SURF4: variants seen among roughly 807,000 people sequenced by gnomAD.
SURF4 encodes surfeit locus protein 4.
A neutral mutation model predicts 30.0 loss-of-function variants in SURF4; 3 were observed. The ratio of observed to expected loss-of-function variants is 0.10; its 90% CI spans 0.05 to 0.26. The LOEUF is 0.26. Ranked by LOEUF, SURF4 falls within the 10% of genes least tolerant of loss-of-function variation. The pLI, the probability that SURF4 is intolerant of heterozygous loss-of-function variation, is 1.00. For synonymous variants in SURF4, 143 were observed against 139.9 expected (o/e 1.02, Z -0.16); for missense variants, 217 against 350.8 (o/e 0.62, Z 3.05).
chr9:133,373,535 G>A (rs2130208436), intron 1 of SURF4, among the ~76,000 whole-genome samples: 2 of 152,058 alleles, frequency 1.3e-5, no homozygotes, highest in East Asian at 1.9e-4. Context: ...CCCGGGAGGC[G>A]GAGGTTGCAG....
chr9:133,366,192 T>C (rs1837160845), intron 3 of SURF4, 164 bp from the exon 4 acceptor site: 3 of 661,838 alleles, frequency 4.5e-6, no homozygotes, highest in Admixed American at 2.9e-5. Flanking sequence ...AATGTGGTTC[T>C]GTATTTCTCA....
At chr9:133,366,696 T>C in intron 2 of SURF4, 21 bp from the exon 3 acceptor site, 5 of 1,611,920 alleles carry the variant, frequency 3.1e-6, no homozygotes, top group Non-Finnish European at 4.2e-6. Flanking sequence ...GGACAAGGGT[T>C]AGGGGGCCTG....
intron 1 of SURF4, 104 bp downstream of exon 1, chr9:133,375,816 CAG>C: frequency 8.9e-7 from 1 of 1,127,792 alleles, no homozygotes; most frequent in Non-Finnish European, 1.1e-6. Context: ...AACAAGGAGT[CAG>C]GGGGCGGCCC....
At position 133,366,001 on chromosome 9, in the gene SURF4, A is replaced by C; in HGVS notation, c.340T>G (p.Leu114Val). Residue 114 changes from leucine to valine, a missense_variant, in exon 4 of 6, where the codon TTG (leucine) becomes GTG (valine). Physicochemically the swap from Leu to Val is conservative, Grantham distance 32. Coordinates refer to ENST00000371989, the MANE Select transcript of SURF4 (RefSeq NM_033161.4). Reference protein sequence around the residue: ...QTIAYSILWDLKFLMRNLALG... With the variant: ...QTIAYSILWDVKFLMRNLALG... ...TGCACATACCTCATCAAAAACTTCA[A>C]GTCCCATAAAATGCTGTAGGCAATC... 6.2e-7 allele frequency: 1 copy of C among 1,614,164 alleles called. No individual in the cohort carries two copies. The highest frequency in any genetic ancestry group is 1.1e-5 in the South Asian group (1 of 91,088).
upstream of SURF4, chr9:133,376,492 A>C (rs1837955469): frequency 1.9e-6 from 3 of 1,595,574 alleles, no homozygotes; most frequent in East Asian, 2.3e-5. Context: ...GCCAGGGTCC[A>C]ATCGCAGGCG....
At position 133,376,050 on chromosome 9, in the gene SURF4, C is replaced by T. The variant is rs1837909321; in HGVS notation, c.-81G>A. The stretch of plus-strand genomic sequence containing the variant: ...TCGGCGCCCGCACCCGCTGCGGCCT[C>T]CACAGGAAGTGCCCGGCGGCCGGCC... On this transcript the variant is annotated 5_prime_UTR_variant, in exon 1 of 6. Transcript: ENST00000371989. The T allele has an allele frequency of 8.3e-7, 1 of 1,211,260 alleles. No individual in the cohort carries two copies. Among genetic ancestry groups the T allele is most frequent in the Non-Finnish European group, 1.0e-6 (1 of 974,040 alleles). The allele number at this position is 1,211,260 out of a possible 1,614,324, so 75.0% of individuals were successfully genotyped here. A position where few individuals can be genotyped will look rare whatever the true frequency, so the allele number is the denominator to read the frequency against.
intron 1 of SURF4, chr9:133,375,347 A>G: frequency 1.0e-6 from 1 of 981,964 alleles, no homozygotes; most frequent in Non-Finnish European, 1.2e-6. Flanking sequence ...ACGGGGAGGG[A>G]GACGCAGACA....
At chr9:133,375,245 AC>A in intron 1 of SURF4, 1 of 985,410 alleles carries the variant, frequency 1.0e-6, no homozygotes, top group Non-Finnish European at 1.2e-6. Context: ...CCACCTGGAC[AC>A]TTCTGGAAGG....
chr9:133,372,527 A>T (rs1837565394), intron 1 of SURF4: 4 of 915,440 alleles, frequency 4.4e-6, no homozygotes, highest in Non-Finnish European at 5.2e-6. Flanking sequence ...GGCCCAGTGA[A>T]AGACTTAATG....
rs927692660 is a variant in SURF4 at position 133,361,813 on chromosome 9, G to GAAACC, written c.*1675_*1679dup. 1 of 152,414 alleles carries GAAACC rather than the reference G, an allele frequency of 6.6e-6. No individual in the cohort carries two copies. The highest frequency in any genetic ancestry group is 1.5e-5 in the Non-Finnish European group (1 of 68,212). 9.4% of individuals were successfully genotyped at this position (152,414 alleles called of 1,614,324 possible). ...TCAGCCAACCAACCTTGACCACAGA[G>GAAACC]AAACCGTGACTTGGCCAAGGTCATT... On this transcript the variant is annotated 3_prime_UTR_variant, in exon 6 of 6. Transcript: ENST00000371989.
rs2130093178 is a variant in SURF4 at position 133,363,795 on chromosome 9, T to C, written c.544-36A>G. On this transcript the variant is annotated intron_variant, in intron 5 of 5. Coordinates refer to ENST00000371989, the MANE Select transcript of SURF4 (RefSeq NM_033161.4). This position sits in a 1 kb window ranked among gnomAD's most constrained non-coding sequence, Gnocchi z 4.3. ...TGAAACGTAAGAAATTCAAAATAAA[T>C]GTGAGGAAAAGAGATGCTTTATAAA... The C allele has an allele frequency of 6.2e-7, 1 of 1,612,622 alleles. No individual in the cohort carries two copies.
intron 1 of SURF4, among the ~76,000 whole-genome samples, chr9:133,374,699 A>C (rs1433061269): frequency 1.3e-5 from 2 of 152,352 alleles, no homozygotes; most frequent in East Asian, 1.9e-4. Flanking sequence ...GCTCACAGAA[A>C]GTGTTGCAAT....
chr9:133,374,089 C>T (rs1013721746), intron 1 of SURF4, among the ~76,000 whole-genome samples: 1 of 151,870 alleles, frequency 6.6e-6, no homozygotes, highest in African/African-American at 2.4e-5. Context: ...GGACAAAGAG[C>T]GAGTGTATGT....
chr9:133,366,185 G>C (rs1837159866), intron 3 of SURF4, 157 bp from the exon 4 acceptor site: 11 of 693,772 alleles, frequency 1.6e-5, no homozygotes, highest in South Asian at 9.3e-5. Flanking sequence ...GCTCAAAAAT[G>C]TGGTTCTGTA....
At chr9:133,368,854 A>G (rs1237714132) in intron 1 of SURF4, among the ~76,000 whole-genome samples, 1 of 152,208 alleles carries the variant, frequency 6.6e-6, no homozygotes. Context: ...GGACCCATCC[A>G]CCAACGCATG....
At chr9:133,376,487 G>A (rs1274678136), upstream of SURF4, 13 of 1,593,584 alleles carry the variant, frequency 8.2e-6, no homozygotes, top group Admixed American at 1.8e-5. Flanking sequence ...CTTGGGCCAG[G>A]GTCCAATCGC....
intron 1 of SURF4, among the ~76,000 whole-genome samples, chr9:133,369,202 C>A (rs2130167322): frequency 6.6e-6 from 1 of 152,162 alleles, no homozygotes; most frequent in East Asian, 1.9e-4. Flanking sequence ...AAACCCACTG[C>A]GCCCTGCAGT....
chr9:133,363,854 C>CT lies in SURF4; in HGVS notation c.544-96dup. 3 of 1,491,142 alleles carry CT rather than the reference C, an allele frequency of 2.0e-6. No homozygotes were observed. Among genetic ancestry groups the CT allele is most frequent in the Non-Finnish European group, 2.8e-6 (3 of 1,079,866 alleles). 92.4% of individuals were successfully genotyped at this position (1,491,142 alleles called of 1,614,324 possible). On this transcript the variant is annotated intron_variant, in intron 5 of 5. Transcript: ENST00000371989. The surrounding 1 kb of genome is among the most constrained non-coding windows in gnomAD (Gnocchi z 4.3). ...CCAGCTGCTGCACGTCATGAAGTCTCTATCCATCAGGCTGATGTAGCTACT... is the reference window on the plus strand; with the variant it reads ...CCAGCTGCTGCACGTCATGAAGTCTCTTATCCATCAGGCTGATGTAGCTACT...
Position 133,363,928 on chromosome 9 carries a change from C to G in SURF4, c.544-169G>C. 1 of 833,598 alleles carries G rather than the reference C, an allele frequency of 1.2e-6. No individual in the cohort carries two copies. The highest frequency in any genetic ancestry group is 2.0e-6 in the Non-Finnish European group (1 of 491,636). 51.6% of individuals were successfully genotyped at this position (833,598 alleles called of 1,614,324 possible). On this transcript the variant is annotated intron_variant, in intron 5 of 5. Transcript: ENST00000371989. The surrounding 1 kb of genome is among the most constrained non-coding windows in gnomAD (Gnocchi z 4.3). ...TAGGGAGATAAAAGCCAAAGGGAGG[C>G]AGGAGGCAATAAAGCACCAGCTTTG...
Sources: gnomAD v4.1 joint callset for allele counts (sites outside exome capture counted in the v4.1 genomes callset) on GRCh38, gnomAD v4.1.1 for gene constraint, Gnocchi (gnomAD v3.1) non-coding constraint, MANE v1.5 for transcripts, NCBI Gene and HGNC (gene_info 2026-07-23, HGNC 2026-07-21) for gene names.